The following ERICH6 variants were observed in gnomAD, a reference collection of about 807,000 sequenced individuals.
ERICH6 encodes the protein glutamate rich 6.
ERICH6 carries 71 observed loss-of-function variants against 71.0 expected under a neutral mutation model. The observed-to-expected ratio is 1.00, with a 90% confidence interval of 0.83 to 1.22. The LOEUF is 1.22. Among genes scored for constraint, ERICH6 ranks in the 50% most tolerant of loss-of-function variants. The probability of loss-of-function intolerance (pLI) is 0.00; values close to 1 mark genes in which losing one functional copy is unlikely to be tolerated. For missense variants in ERICH6, 808 were observed against 797.2 expected (o/e 1.01, Z -0.16); for synonymous variants, 262 against 278.4 (o/e 0.94, Z 0.59).
chr3:150,690,834 T>TA, intron 3 of ERICH6, among the ~76,000 whole-genome samples: 1 of 152,344 alleles, frequency 6.6e-6, no homozygotes, highest in South Asian at 2.1e-4. Context: ...TCTTTGCTTG[T>TA]ATAATCTTTA....
intron 10 of ERICH6, among the ~76,000 whole-genome samples, chr3:150,676,296 T>A (rs956920572): frequency 6.6e-6 from 1 of 152,138 alleles, no homozygotes; most frequent in Non-Finnish European, 1.5e-5. Context: ...TCATTTTCAT[T>A]TCAGTTCATT....
intron 2 of ERICH6, among the ~76,000 whole-genome samples, chr3:150,699,717 T>TAAA (rs1178685062): frequency 1.8e-3 from 203 of 111,496 alleles, no homozygotes; most frequent in African/African-American, 6.7e-3. Flanking sequence ...CTCAAAGAGA[T>TAAA]AAAAACAAAA....
intron 12 of ERICH6, 64 bp downstream of exon 12, chr3:150,669,232 G>A: frequency 6.7e-7 from 1 of 1,503,192 alleles, no homozygotes; most frequent in South Asian, 1.4e-5. Context: ...CATTTAAAAA[G>A]AAAAAACAAA....
At chr3:150,662,102 G>A (rs1013562777) in intron 13 of ERICH6, among the ~76,000 whole-genome samples, 1 of 152,140 alleles carries the variant, frequency 6.6e-6, no homozygotes, top group African/African-American at 2.4e-5. Flanking sequence ...CACTAAAAGG[G>A]AAATTAGGAA....
chr3:150,667,119 G>T lies in ERICH6; in HGVS notation c.1500-104C>A. 5 of 1,033,182 alleles carry T rather than the reference G, an allele frequency of 4.8e-6. No homozygotes were observed. The South Asian group carries it at 6.1e-5, about 13-fold the overall frequency. 64.0% of individuals were successfully genotyped at this position (1,033,182 alleles called of 1,614,324 possible). On this transcript the variant is annotated intron_variant, in intron 12 of 13. Coordinates refer to ENST00000295910, the MANE Select transcript of ERICH6 (RefSeq NM_152394.5). ...CCAAGGGGAGTAACGGTTTATGCCA[G>T]CGATTAGCAGGAGTGGTGGAAACTT...
At chr3:150,676,127 C>A (rs1711644357) in intron 10 of ERICH6, among the ~76,000 whole-genome samples, 1 of 151,884 alleles carries the variant, frequency 6.6e-6, no homozygotes, top group Non-Finnish European at 1.5e-5. Context: ...GTGTTTCTTG[C>A]CTTTTTTAAT....
chr3:150,689,434 T>G (rs941849880), intron 3 of ERICH6, among the ~76,000 whole-genome samples: 1 of 152,202 alleles, frequency 6.6e-6, no homozygotes, highest in Non-Finnish European at 1.5e-5. Context: ...TGTTCCTAAA[T>G]CAAGCCCTTT....
intron 10 of ERICH6, 31 bp downstream of exon 10, chr3:150,678,378 A>C: frequency 6.5e-6 from 10 of 1,530,092 alleles, no homozygotes; most frequent in African/African-American, 2.8e-5. Flanking sequence ...TTTTTTTAAA[A>C]TAGCAAGTAA....
rs761391271 is a variant in ERICH6, at chr3:150,703,908, G to A, written c.-10C>T. 1.5e-4 allele frequency: 234 copies of A among 1,612,748 alleles called. No individual in the cohort carries two copies. Among genetic ancestry groups the A allele is most frequent in the Non-Finnish European group, 2.0e-4 (231 of 1,179,314 alleles). On this transcript the variant is annotated 5_prime_UTR_variant, in exon 1 of 14. Transcript: ENST00000295910. ...AGCGCAAGTGGGCCATGGCTGGCGG[G>A]AGGCGGGATTACAGCCAGCTCTTTG... is the stretch of plus-strand genomic sequence containing the variant.
rs1326965593 is a variant in ERICH6 at position 150,703,884 on chromosome 3, G to A, written c.15C>T (p.Arg5=). 1.2e-6 allele frequency: 2 copies of A among 1,613,942 alleles called. No individual in the cohort carries two copies. The highest frequency in any genetic ancestry group is 1.7e-6 in the Non-Finnish European group (2 of 1,179,940). The change falls in exon 1 of 14, where the codon CGC becomes CGT. Residue 5 remains arginine, a synonymous_variant. Coordinates refer to ENST00000295910, the MANE Select transcript of ERICH6 (RefSeq NM_152394.5). ...CCGGGTCTCCGAAGCCGCTAGGCGA[G>A]CGCAAGTGGGCCATGGCTGGCGGGA... MAHL[R]SPSGFGDPGK...
chr3:150,696,076 T>C (rs1712646000), intron 3 of ERICH6, among the ~76,000 whole-genome samples: 1 of 152,110 alleles, frequency 6.6e-6, no homozygotes, highest in East Asian at 1.9e-4. Context: ...TAGTGTGATA[T>C]TGGTATAGGA....
chr3:150,674,582 C>T (rs1711579800), intron 10 of ERICH6, among the ~76,000 whole-genome samples: 1 of 152,134 alleles, frequency 6.6e-6, no homozygotes, highest in African/African-American at 2.4e-5. Flanking sequence ...CTTTATATTT[C>T]CACATACATT....
chr3:150,676,605 A>G (rs1444433055), intron 10 of ERICH6, among the ~76,000 whole-genome samples: 1 of 152,148 alleles, frequency 6.6e-6, no homozygotes, highest in Non-Finnish European at 1.5e-5. Flanking sequence ...TACTTCTGCC[A>G]GTCACCTGGG....
rs373184930 is a variant in ERICH6 at position 150,666,885 on chromosome 3, G to T, written c.1630C>A (p.Arg544Ser). 1.2e-6 allele frequency: 2 copies of T among 1,614,088 alleles called. No homozygotes were observed. The highest frequency in any genetic ancestry group is 1.1e-5 in the South Asian group (1 of 91,086). The change falls in exon 13 of 14, where the codon CGT (arginine) becomes AGT (serine). Residue 544 changes from arginine to serine, a missense_variant. This residue lies in a region of ERICH6 where 736 missense variants were observed against 712.2 expected (regional missense o/e 1.03). Transcript: ENST00000295910. The stretch of plus-strand genomic sequence containing the variant: ...TCTAAGATGCGGACTCCAATATAAC[G>T]GTTCAAAGCCAGAAAGACAGGTTTA... ...SFKPVFLALN[R>S]YIGVRILEQD...
At chr3:150,696,986 C>CATCACAATTT (rs1170214056) in intron 3 of ERICH6, among the ~76,000 whole-genome samples, 28 of 152,228 alleles carry the variant, frequency 1.8e-4, no homozygotes, top group Middle Eastern at 3.4e-3. Context: ...AAATAAATAT[C>CATCACAATTT]TAGGAACAAT....
At position 150,685,726 on chromosome 3, in the gene ERICH6, C is replaced by T; in HGVS notation, c.783+16G>A. On this transcript the variant is annotated intron_variant, in intron 6 of 13. Coordinates refer to ENST00000295910, the MANE Select transcript of ERICH6 (RefSeq NM_152394.5). ...TTTTTTTAAGAGTAATAATAAGAAA[C>T]ATGAATTAAAGTCACCTTGAAGTTA... is the stretch of plus-strand genomic sequence containing the variant. 6.4e-7 allele frequency: 1 copy of T among 1,564,388 alleles called. No homozygotes were observed. Among genetic ancestry groups the T allele is most frequent in the Non-Finnish European group, 8.8e-7 (1 of 1,140,284 alleles).
intron 6 of ERICH6, among the ~76,000 whole-genome samples, chr3:150,684,335 C>T (rs755661080): frequency 2.0e-5 from 3 of 152,180 alleles, no homozygotes; most frequent in Non-Finnish European, 4.4e-5. Context: ...TATTATATTA[C>T]ATGATATACT....
At chr3:150,679,119 G>T (rs1186258723) in intron 9 of ERICH6, among the ~76,000 whole-genome samples, 1 of 150,710 alleles carries the variant, frequency 6.6e-6, no homozygotes, top group Admixed American at 6.6e-5. Context: ...TACTCTAACA[G>T]TTGGATATCA....
chr3:150,668,672 G>T (rs953783142), intron 12 of ERICH6, among the ~76,000 whole-genome samples: 9 of 152,114 alleles, frequency 5.9e-5, no homozygotes, highest in African/African-American at 1.7e-4. Flanking sequence ...TAACTTAAAG[G>T]AAAAGACCTC....
Sources: gnomAD v4.1 joint callset for allele counts (sites outside exome capture counted in the v4.1 genomes callset) on GRCh38, gnomAD v4.1.1 for gene constraint, gnomAD v4.1.1 regional missense constraint, MANE v1.5 for transcripts, NCBI Gene and HGNC (gene_info 2026-07-23, HGNC 2026-07-21) for gene names.